The following XPO7 variants were observed in gnomAD, a reference collection of about 807,000 sequenced individuals.
The protein encoded by XPO7 is exportin 7, also known as exportin-7.
Under a neutral mutation model 144.3 loss-of-function variants are expected in XPO7, and 21 were observed. The observed-to-expected ratio is 0.15, with a 90% CI of 0.10 to 0.21. The LOEUF is 0.21. Ranked by LOEUF, XPO7 falls within the 10% of genes least tolerant of loss-of-function variation. The pLI is 1.00. For missense variants in XPO7, 808 were observed against 1,325.8 expected (o/e 0.61, Z 6.06); for synonymous variants, 580 against 499.6 (o/e 1.16, Z -2.15).
chr8:21,962,300 A>G (rs1811751250), intron 1 of XPO7, among the ~76,000 whole-genome samples: 1 of 152,240 alleles, frequency 6.6e-6, no homozygotes, highest in African/African-American at 2.4e-5. Context: ...AAACAAGAAG[A>G]AACCTTGAAT....
chr8:21,942,738 T>A (rs910437874), intron 1 of XPO7, among the ~76,000 whole-genome samples: 1 of 152,258 alleles, frequency 6.6e-6, no homozygotes, highest in Admixed American at 6.5e-5. Context: ...TACTCTTACA[T>A]GAAAACCCTT....
intron 7 of XPO7, among the ~76,000 whole-genome samples, chr8:21,976,815 G>A (rs1298516483): frequency 5.9e-5 from 9 of 152,062 alleles, no homozygotes; most frequent in Non-Finnish European, 2.9e-5. Flanking sequence ...CACCACACCC[G>A]GCTAATTTTG....
At chr8:21,954,258 G>A (rs1008075252) in intron 1 of XPO7, among the ~76,000 whole-genome samples, 2 of 152,150 alleles carry the variant, frequency 1.3e-5, no homozygotes, top group African/African-American at 4.8e-5. Flanking sequence ...TTAAATGGAG[G>A]TTTTAATAGG....
At chr8:22,003,791 TAG>T in intron 26 of XPO7, 110 bp from the exon 27 acceptor site, 2 of 1,484,922 alleles carry the variant, frequency 1.3e-6, no homozygotes, top group Non-Finnish European at 1.8e-6. Context: ...CCAATTTTAG[TAG>T]ACATTCCATT....
chr8:21,977,632 T>TAA, intron 7 of XPO7, 138 bp from the exon 8 acceptor site: 1 of 755,258 alleles, frequency 1.3e-6, no homozygotes, highest in Non-Finnish European at 2.1e-6. Flanking sequence ...CCTATTTGCT[T>TAA]ATCACTTCCA....
At chr8:21,933,590 T>G (rs1446821102) in intron 1 of XPO7, among the ~76,000 whole-genome samples, 1 of 152,210 alleles carries the variant, frequency 6.6e-6, no homozygotes, top group East Asian at 1.9e-4. Context: ...GACAGCATGA[T>G]TCTATTAACA....
chr8:21,960,445 A>T (rs1278223066), intron 1 of XPO7, among the ~76,000 whole-genome samples: 3 of 152,232 alleles, frequency 2.0e-5, no homozygotes, highest in African/African-American at 7.2e-5. Flanking sequence ...TCAATAAACC[A>T]TTAAGTGACT....
At chr8:22,003,865 T>A in intron 26 of XPO7, 38 bp from the exon 27 acceptor site, 3 of 1,612,710 alleles carry the variant, frequency 1.9e-6, no homozygotes, top group Non-Finnish European at 2.5e-6. Context: ...TGCCTTCCCC[T>A]GCTTCTCTAA....
chr8:21,991,298 G>C (rs1055278694), intron 18 of XPO7, among the ~76,000 whole-genome samples: 10 of 152,162 alleles, frequency 6.6e-5, no homozygotes, highest in African/African-American at 2.2e-4. Flanking sequence ...CAGTTTTCTA[G>C]CACAGATGAG....
intron 11 of XPO7, among the ~76,000 whole-genome samples, 176 bp from the exon 12 acceptor site, chr8:21,984,470 C>T (rs756233908): frequency 7.2e-5 from 11 of 152,170 alleles, no homozygotes; most frequent in Non-Finnish European, 1.3e-4. Context: ...GATGCTAGGG[C>T]GAAGACATTG....
In XPO7 at chr8:21,999,241, C is replaced by T; in HGVS notation, c.2579C>T (p.Ala860Val). 1.2e-6 allele frequency: 2 copies of T among 1,613,804 alleles called. No individual in the cohort carries two copies. The highest frequency in any genetic ancestry group is 1.7e-6 in the Non-Finnish European group (2 of 1,179,876). Reference protein sequence around the residue: ...FGVFRLYGDDALDNALQTFIK... With the variant: ...FGVFRLYGDDVLDNALQTFIK... ...GTCTTTCGTCTCTATGGAGACGATG[C>T]CCTGGACAATGCTCTGCAGACCTTC... Residue 860 changes from alanine (A) to valine (V), a missense_variant, in exon 23 of 28, where the codon GCC becomes GTC. By Grantham distance (64) the Ala-to-Val change is moderately conservative (BLOSUM62 0). Around this residue, in one of 5 missense-constraint regions of XPO7, gnomAD observed 416 missense variants for 612.5 expected, o/e 0.68. Coordinates refer to ENST00000252512, the MANE Select transcript of XPO7 (RefSeq NM_015024.5).
intron 1 of XPO7, 24 bp downstream of exon 1, chr8:21,919,812 G>A (rs1810203520): frequency 8.7e-6 from 4 of 459,136 alleles, no homozygotes; most frequent in South Asian, 1.0e-4. Context: ...CGGGGGGGAG[G>A]GGGCGACCAC....
chr8:21,940,776 A>G (rs1179337713), intron 1 of XPO7, among the ~76,000 whole-genome samples: 2 of 152,042 alleles, frequency 1.3e-5, no homozygotes, highest in Admixed American at 6.6e-5. Flanking sequence ...GCCAGTGGTC[A>G]GGCATTTTCA....
At chr8:21,962,297 A>G (rs1811751080) in intron 1 of XPO7, among the ~76,000 whole-genome samples, 1 of 152,236 alleles carries the variant, frequency 6.6e-6, no homozygotes. Context: ...TATAAACAAG[A>G]AGAAACCTTG....
intron 1 of XPO7, among the ~76,000 whole-genome samples, chr8:21,928,857 C>G (rs1451160182): frequency 6.6e-6 from 1 of 152,226 alleles, no homozygotes; most frequent in Non-Finnish European, 1.5e-5. Context: ...ATGCATTCAT[C>G]TATGTATCCC....
chr8:21,927,485 A>G (rs1031536559), intron 1 of XPO7, among the ~76,000 whole-genome samples: 2 of 150,308 alleles, frequency 1.3e-5, no homozygotes, highest in Admixed American at 1.3e-4. Context: ...CCAAAGGCAC[A>G]TTTCGTGTTA....
intron 1 of XPO7, among the ~76,000 whole-genome samples, chr8:21,958,973 A>G (rs1310778618): frequency 1.3e-5 from 2 of 152,024 alleles, no homozygotes; most frequent in East Asian, 1.9e-4. Flanking sequence ...AAAAAAAAAA[A>G]AAAAAGAGGC....
chr8:21,921,446 A>G (rs1229683993), intron 1 of XPO7: 1 of 152,200 alleles, frequency 6.6e-6, no homozygotes, highest in Non-Finnish European at 1.5e-5. Context: ...TTTGTGAACC[A>G]TGCTTCGGAA....
intron 1 of XPO7, among the ~76,000 whole-genome samples, chr8:21,958,889 A>T (rs1196761807): frequency 6.7e-6 from 1 of 148,680 alleles, no homozygotes; most frequent in African/African-American, 2.5e-5. Flanking sequence ...TGAACCCGGG[A>T]GGTAGAGGTT....
Sources: allele counts gnomAD v4.1 joint callset (sites outside exome capture counted in the v4.1 genomes callset), GRCh38; gene constraint gnomAD v4.1.1; regional missense constraint gnomAD v4.1.1; transcripts MANE v1.5; gene names NCBI Gene and HGNC (gene_info 2026-07-23, HGNC 2026-07-21).